Variants in CNBD1 observed in about 807,000 individuals in gnomAD.
The protein encoded by CNBD1 is cyclic nucleotide binding domain containing 1.
In CNBD1, 71 loss-of-function variants were observed where a neutral mutation model predicts 54.4. The ratio of observed to expected loss-of-function variants is 1.30; its 90% confidence interval spans 1.08 to 1.59. The LOEUF is 1.59. Among genes scored for constraint, CNBD1 ranks in the 40% most tolerant of loss-of-function variants. CNBD1 has a pLI of 0.00. For missense variants in CNBD1, 659 were observed against 518.0 expected (o/e 1.27, Z -2.64); for synonymous variants, 182 against 170.7 (o/e 1.07, Z -0.51).
chr8:86,983,644 G>A (rs545879153), intron 4 of CNBD1, among the ~76,000 whole-genome samples: 59 of 152,270 alleles, frequency 3.9e-4, no homozygotes, highest in African/African-American at 1.2e-3. Flanking sequence ...CTAGAGCAAA[G>A]ACAACTCTTG....
intron 4 of CNBD1, among the ~76,000 whole-genome samples, chr8:87,026,766 C>G (rs149447397): frequency 1.6e-4 from 25 of 152,292 alleles, no homozygotes; most frequent in African/African-American, 6.0e-4. Flanking sequence ...CCTTTTCAAG[C>G]TGATAATTTG....
intron 10 of CNBD1, among the ~76,000 whole-genome samples, chr8:87,377,019 T>TC (rs1810955355): frequency 1.3e-5 from 2 of 149,256 alleles, no homozygotes; most frequent in African/African-American, 4.9e-5. Context: ...TTTATTTTTT[T>TC]TCTTTTTTTT....
chr8:86,990,791 T>C (rs116797898), intron 4 of CNBD1, among the ~76,000 whole-genome samples: 2,899 of 152,270 alleles, frequency 0.019, 94 homozygotes, highest in African/African-American at 0.059. Flanking sequence ...TAGTGTGACA[T>C]TTTAACAATA....
At chr8:87,102,029 T>C (rs1811437852) in intron 4 of CNBD1, among the ~76,000 whole-genome samples, 1 of 151,808 alleles carries the variant, frequency 6.6e-6, no homozygotes, top group African/African-American at 2.4e-5. Context: ...GCTGGGATTA[T>C]AGGCGCCCGC....
At chr8:86,941,739 A>G (rs1809659999) in intron 4 of CNBD1, among the ~76,000 whole-genome samples, 1 of 152,204 alleles carries the variant, frequency 6.6e-6, no homozygotes, top group African/African-American at 2.4e-5. Flanking sequence ...AGCAGGAGCC[A>G]TGGTAGAAGG....
chr8:86,956,443 T>C (rs1807772239), intron 4 of CNBD1, among the ~76,000 whole-genome samples: 1 of 152,224 alleles, frequency 6.6e-6, no homozygotes, highest in Non-Finnish European at 1.5e-5. Context: ...TTTCACGACA[T>C]TGATTCTTTC....
chr8:87,027,932 T>C (rs992511918), intron 4 of CNBD1, among the ~76,000 whole-genome samples: 1 of 152,188 alleles, frequency 6.6e-6, no homozygotes, highest in Admixed American at 6.5e-5. Context: ...TCTCTCTCAG[T>C]TGGGCCTGAT....
intron 2 of CNBD1, among the ~76,000 whole-genome samples, chr8:87,388,489 T>C (rs1260487253): frequency 6.6e-6 from 1 of 152,070 alleles, no homozygotes; most frequent in Non-Finnish European, 1.5e-5. Flanking sequence ...GCAAATAAAC[T>C]AGAAAATCTA....
intron 4 of CNBD1, among the ~76,000 whole-genome samples, chr8:86,976,129 C>T (rs949614142): frequency 6.9e-6 from 1 of 145,652 alleles, no homozygotes; most frequent in East Asian, 2.0e-4. Context: ...AATATTAGCA[C>T]CTTACCTGAT....
chr8:87,187,371 T>A (rs1025149384), intron 4 of CNBD1, among the ~76,000 whole-genome samples: 6 of 152,120 alleles, frequency 3.9e-5, no homozygotes, highest in Non-Finnish European at 8.8e-5. Context: ...TTTTTGAAGT[T>A]TATGTTTGTA....
chr8:87,198,484 CAAAA>C (rs1192105945), intron 4 of CNBD1, among the ~76,000 whole-genome samples: 1 of 151,518 alleles, frequency 6.6e-6, no homozygotes, highest in African/African-American at 2.4e-5. Flanking sequence ...TATATGGAAA[CAAAA>C]AAAAGCAGTT....
chr8:87,278,545 G>T (rs1264983566), intron 6 of CNBD1, among the ~76,000 whole-genome samples: 1 of 151,502 alleles, frequency 6.6e-6, no homozygotes, highest in African/African-American at 2.4e-5. Context: ...TTCTGACCTA[G>T]ACTTTTATAA....
At chr8:87,351,649 A>G (rs1447690294) in intron 8 of CNBD1, 36 bp from the exon 9 acceptor site, 3 of 1,439,092 alleles carry the variant, frequency 2.1e-6, no homozygotes, top group Non-Finnish European at 2.7e-6. Context: ...ATTAAAGACA[A>G]GAATGTGTGA....
chr8:87,173,394 GATTTCTT>G (rs1813130194), intron 4 of CNBD1, among the ~76,000 whole-genome samples: 3 of 152,122 alleles, frequency 2.0e-5, no homozygotes, highest in African/African-American at 7.2e-5. Flanking sequence ...ACCTTCAGAT[GATTTCTT>G]ATTGCTCATT....
intron 10 of CNBD1, among the ~76,000 whole-genome samples, chr8:87,371,727 A>G (rs537606304): frequency 6.4e-4 from 97 of 152,120 alleles, no homozygotes; most frequent in South Asian, 2.5e-3. Context: ...ACAGAACCAA[A>G]GACAAAAACC....
At chr8:87,317,717 G>A (rs78413050) in intron 8 of CNBD1, among the ~76,000 whole-genome samples, 2 of 151,708 alleles carry the variant, frequency 1.3e-5, no homozygotes, top group Non-Finnish European at 2.9e-5. Context: ...TGTGTATTCT[G>A]GTATATTGGA....
At chr8:87,385,204 A>G (rs1215796180), downstream of CNBD1, among the ~76,000 whole-genome samples, 1 of 152,098 alleles carries the variant, frequency 6.6e-6, no homozygotes, top group East Asian at 1.9e-4. Flanking sequence ...AACGCAGAAG[A>G]TGGGTGATTT....
At chr8:86,915,384 ATTGC>A in intron 3 of CNBD1, among the ~76,000 whole-genome samples, 1 of 152,188 alleles carries the variant, frequency 6.6e-6, no homozygotes, top group Non-Finnish European at 1.5e-5. Flanking sequence ...GTGGCTGGGA[ATTGC>A]TTATGTCTAC....
At chr8:87,018,518 A>C (rs1408588466) in intron 4 of CNBD1, among the ~76,000 whole-genome samples, 1 of 152,186 alleles carries the variant, frequency 6.6e-6, no homozygotes, top group South Asian at 2.1e-4. Flanking sequence ...GTACTACATT[A>C]TAATTTTTCT....
Sources: allele counts gnomAD v4.1 joint callset (sites outside exome capture counted in the v4.1 genomes callset), GRCh38; gene constraint gnomAD v4.1.1; transcripts MANE v1.5; gene names NCBI Gene and HGNC (gene_info 2026-07-23, HGNC 2026-07-21).